Variants in SYNPO observed in about 807,000 individuals in gnomAD.
SYNPO encodes the protein synaptopodin.
SYNPO carries 19 observed loss-of-function variants against 49.5 expected under a neutral mutation model. The observed-to-expected ratio is 0.38, with a 90% CI of 0.27 to 0.56. The LOEUF (loss-of-function observed/expected upper bound fraction) is 0.56, where lower values mean the gene tolerates loss of function less well. Among genes scored for constraint, SYNPO ranks in the 20% least tolerant of loss-of-function variants. The pLI is 0.68. For missense variants in SYNPO, 1,131 were observed against 1,248.3 expected (o/e 0.91, Z 1.42); for synonymous variants, 536 against 548.0 (o/e 0.98, Z 0.31).
upstream of SYNPO, among the ~76,000 whole-genome samples, chr5:150,637,137 C>G (rs997079520): frequency 6.6e-6 from 1 of 152,116 alleles, no homozygotes; most frequent in African/African-American, 2.4e-5. Context: ...GAATAGGATG[C>G]CTTGCTGAGC....
At chr5:150,592,298 A>C in the SYNPO span, among the ~76,000 whole-genome samples, 1 of 152,236 alleles carries the variant, frequency 6.6e-6, no homozygotes, top group African/African-American at 2.4e-5. Flanking sequence ...CTTACCCTGG[A>C]AAAAGTTATT....
At chr5:150,591,357 C>A in the SYNPO span, among the ~76,000 whole-genome samples, 3 of 152,212 alleles carry the variant, frequency 2.0e-5, no homozygotes, top group African/African-American at 4.8e-5. Context: ...ACCTCTCCCC[C>A]AGAACTGCAG....
At chr5:150,606,937 C>T (rs562697710) in intron 1 of SYNPO, among the ~76,000 whole-genome samples, 2 of 152,270 alleles carry the variant, frequency 1.3e-5, no homozygotes, top group Admixed American at 1.3e-4. Flanking sequence ...CTTCATCCAG[C>T]CTCAACAACT....
At chr5:150,592,808 C>T in the SYNPO span, among the ~76,000 whole-genome samples, 1 of 152,244 alleles carries the variant, frequency 6.6e-6, no homozygotes, top group Non-Finnish European at 1.5e-5. Flanking sequence ...GCCCAAATCA[C>T]ACCCTCTCAA....
At chr5:150,595,406 G>A in the SYNPO span, among the ~76,000 whole-genome samples, 1 of 152,242 alleles carries the variant, frequency 6.6e-6, no homozygotes, top group East Asian at 1.9e-4. Context: ...GGCCCAGCGA[G>A]GAGAAGAACT....
chr5:150,590,818 G>A, the SYNPO span, among the ~76,000 whole-genome samples: 13 of 152,174 alleles, frequency 8.5e-5, no homozygotes. Flanking sequence ...GTTGTTGCTG[G>A]TAATGACAAT....
the SYNPO span, among the ~76,000 whole-genome samples, chr5:150,592,278 G>A: frequency 6.6e-5 from 10 of 152,040 alleles, no homozygotes; most frequent in Admixed American, 2.0e-4. Context: ...TAAATATTGC[G>A]GAGGCCCTAC....
intron 2 of SYNPO, among the ~76,000 whole-genome samples, chr5:150,631,835 T>G (rs987836310): frequency 4.6e-5 from 7 of 152,078 alleles, no homozygotes; most frequent in Non-Finnish European, 1.0e-4. Flanking sequence ...TGCAAGCTGG[T>G]GAGAGTGCGT....
chr5:150,646,563 A>C (rs1405777450), intron 1 of SYNPO, among the ~76,000 whole-genome samples: 1 of 151,936 alleles, frequency 6.6e-6, no homozygotes. Flanking sequence ...CTCTACAAAA[A>C]AAAATACAAA....
chr5:150,618,540 A>T, exon 2 of SYNPO: 1 of 1,550,862 alleles, frequency 6.4e-7, no homozygotes, highest in Non-Finnish European at 8.7e-7. Context: ...CTGGAAGAGG[A>T]TGAGGGGGTC....
rs1161641329 is a variant in SYNPO, at chr5:150,648,432, T to C, written c.157T>C (p.Ser53Pro). 1.2e-6 allele frequency: 2 copies of C among 1,613,714 alleles called. No individual in the cohort carries two copies. Among genetic ancestry groups the C allele is most frequent in the Non-Finnish European group, 1.7e-6 (2 of 1,179,954 alleles). ...HLSQNREAQQSSPAPPPAEVH... is the reference protein window; with the variant it reads ...HLSQNREAQQPSPAPPPAEVH... ...GTCCCAAAACCGAGAGGCCCAGCAG[T>C]CCTCACCGGCCCCACCTCCAGCTGA... The change falls in exon 2 of 3, where the codon TCC becomes CCC. Residue 53 changes from serine (S) to proline (P), a missense_variant. By Grantham distance (74) the Ser-to-Pro change is moderately conservative. Coordinates refer to ENST00000307662, the MANE Select transcript of SYNPO (RefSeq NM_007286.6). This position sits in a 1 kb window ranked among gnomAD's most constrained non-coding sequence, Gnocchi z 5.0.
At chr5:150,642,979 G>A (rs1322286293) in intron 1 of SYNPO, among the ~76,000 whole-genome samples, 1 of 152,204 alleles carries the variant, frequency 6.6e-6, no homozygotes. Context: ...CCTCCTCTCT[G>A]ACCTCTTCCT....
chr5:150,617,060 A>G (rs73274496), intron 1 of SYNPO, among the ~76,000 whole-genome samples: 429 of 152,338 alleles, frequency 2.8e-3, no homozygotes, highest in African/African-American at 9.6e-3. Flanking sequence ...GAATGAAAGA[A>G]CAGCCAACAT....
Position 150,633,495 on chromosome 5 carries a change from G to T in SYNPO, c.401-14449G>T, listed in dbSNP as rs76930957. Among the ~76,000 whole-genome samples, 2,172 of 152,306 alleles carry T rather than the reference G, an allele frequency of 0.014. 96 individuals carry two copies. In the East Asian group the frequency reaches 0.18, roughly 12 times the overall value. On this transcript the variant is annotated intron_variant, in intron 2 of 2. Transcript: ENST00000394243. ...GTTGAGGTTGTCCTGTTCTCCAGAGGCATGGAGAAGTCATGTGTGCTCAGA... is the reference window on the plus strand; with the variant it reads ...GTTGAGGTTGTCCTGTTCTCCAGAGTCATGGAGAAGTCATGTGTGCTCAGA...
chr5:150,599,403 T>C (rs891770775), upstream of SYNPO, among the ~76,000 whole-genome samples: 58 of 152,348 alleles, frequency 3.8e-4, no homozygotes, highest in African/African-American at 1.4e-3. Flanking sequence ...GTGACTGTTA[T>C]TGGCTGTAGA....
chr5:150,647,503 C>A (rs1332018067), intron 1 of SYNPO, among the ~76,000 whole-genome samples: 1 of 152,302 alleles, frequency 6.6e-6, no homozygotes. Context: ...AGCAGCAAGT[C>A]CAAAGGCCCT....
intron 2 of SYNPO, among the ~76,000 whole-genome samples, chr5:150,621,885 T>C (rs1757193868): frequency 7.0e-6 from 1 of 141,846 alleles, no homozygotes; most frequent in Non-Finnish European, 1.6e-5. Context: ...GTAGAGCTCA[T>C]GATCAGGCCT....
intron 1 of SYNPO, among the ~76,000 whole-genome samples, chr5:150,642,655 T>C (rs1757951736): frequency 6.6e-6 from 1 of 152,078 alleles, no homozygotes; most frequent in Admixed American, 6.5e-5. Flanking sequence ...CTCTAGGGTG[T>C]CCCCCCGCCT....
intron 1 of SYNPO, among the ~76,000 whole-genome samples, chr5:150,603,221 A>T (rs1756597978): frequency 6.6e-6 from 1 of 152,234 alleles, no homozygotes. Flanking sequence ...CCTGGCTTTG[A>T]ATCACCAGGA....
Sources: gnomAD v4.1 joint callset for allele counts (sites outside exome capture counted in the v4.1 genomes callset) on GRCh38, gnomAD v4.1.1 for gene constraint, Gnocchi (gnomAD v3.1) non-coding constraint, MANE v1.5 for transcripts, NCBI Gene and HGNC (gene_info 2026-07-23, HGNC 2026-07-21) for gene names.